The following SATB1 variants were observed in gnomAD, a reference collection of about 807,000 sequenced individuals.
The protein encoded by SATB1 is DNA-binding protein SATB1.
A neutral mutation model predicts 86.9 loss-of-function variants in SATB1; 11 were observed. The ratio of observed to expected loss-of-function variants is 0.13; its 90% CI spans 0.08 to 0.21. The LOEUF (loss-of-function observed/expected upper bound fraction) is 0.21. Among genes scored for constraint, SATB1 ranks in the 10% least tolerant of loss-of-function variants. The pLI is 1.00. For synonymous variants in SATB1, 357 were observed against 357.2 expected, an observed-to-expected ratio of 1.00 and a Z score of 0.01; for missense variants, 551 against 937.6, an observed-to-expected ratio of 0.59 and a Z score of 5.39.
At chr3:18,365,077 T>C (rs766987018) in intron 9 of SATB1, among the ~76,000 whole-genome samples, 7 of 152,190 alleles carry the variant, frequency 4.6e-5, no homozygotes, top group Non-Finnish European at 1.0e-4. Flanking sequence ...CTCATTTATA[T>C]ATTTCAGTTC....
At chr3:18,409,533 T>C (rs1399110411) in intron 5 of SATB1, 1 of 152,068 alleles carries the variant, frequency 6.6e-6, no homozygotes, top group Non-Finnish European at 1.5e-5. Context: ...ACTACCCATA[T>C]AAGACAGGTT....
At chr3:18,410,223 GAATA>G (rs1697762291) in intron 5 of SATB1, among the ~76,000 whole-genome samples, 1 of 152,010 alleles carries the variant, frequency 6.6e-6, no homozygotes, top group African/African-American at 2.4e-5. Flanking sequence ...TCAGCAATGA[GAATA>G]AATACACTTG....
chr3:18,363,279 G>T (rs1219622331), intron 9 of SATB1, among the ~76,000 whole-genome samples: 1 of 152,120 alleles, frequency 6.6e-6, no homozygotes, highest in African/African-American at 2.4e-5. Flanking sequence ...CTGATAAAGT[G>T]TCCAAAACCG....
chr3:18,385,507 C>T (rs1696293623), intron 8 of SATB1, among the ~76,000 whole-genome samples: 1 of 151,876 alleles, frequency 6.6e-6, no homozygotes, highest in Admixed American at 6.6e-5. Context: ...CCTGTAGTCT[C>T]AGCTACTTGG....
At position 18,352,331 on chromosome 3, in the gene SATB1, G is replaced by T; in HGVS notation, c.1576-136C>A. On this transcript the variant is annotated intron_variant, in intron 9 of 10. Coordinates refer to ENST00000338745, the MANE Select transcript of SATB1 (RefSeq NM_002971.6). The surrounding 1 kb of genome is among the most constrained non-coding windows in gnomAD (Gnocchi z 4.1). The stretch of plus-strand genomic sequence containing the variant: ...AACACACCATTCTGCTTTAAAAATT[G>T]TTTTTAACTTGTTAAGAGAGGTTAT... 1.4e-6 allele frequency: 1 copy of T among 714,330 alleles called. No homozygotes were observed. Among genetic ancestry groups the T allele is most frequent in the Non-Finnish European group, 2.3e-6 (1 of 435,026 alleles). 44.2% of individuals were successfully genotyped at this position (714,330 alleles called of 1,614,324 possible). A position where few individuals can be genotyped will look rare whatever the true frequency, so the allele number is the denominator to read the frequency against.
At chr3:18,389,736 T>G (rs563004768) in intron 7 of SATB1, among the ~76,000 whole-genome samples, 1 of 152,142 alleles carries the variant, frequency 6.6e-6, no homozygotes, top group Non-Finnish European at 1.5e-5. Context: ...TCATTGGCGC[T>G]CAATAAATTT....
intron 5 of SATB1, among the ~76,000 whole-genome samples, chr3:18,400,719 CTCA>C (rs1697218128): frequency 6.6e-6 from 1 of 152,162 alleles, no homozygotes; most frequent in Non-Finnish European, 1.5e-5. Flanking sequence ...TTGCCTCCTC[CTCA>C]TCACTGGGCT....
intron 5 of SATB1, among the ~76,000 whole-genome samples, chr3:18,403,530 T>G (rs904675395): frequency 4.6e-5 from 7 of 152,254 alleles, no homozygotes; most frequent in African/African-American, 1.4e-4. Flanking sequence ...TTCTACCTGT[T>G]TATAATACAT....
chr3:18,416,132 C>T lies in SATB1; in HGVS notation c.390G>A (p.Gly130=), dbSNP rs759918974. 3.7e-6 allele frequency: 6 copies of T among 1,601,142 alleles called. No homozygotes were observed. In the East Asian group the frequency reaches 1.1e-4, roughly 30 times the overall value. The change falls in exon 4 of 11, where the codon GGG becomes GGA. Residue 130 remains glycine, a splice_region_variant and synonymous_variant. Transcript: ENST00000338745. ...YSHSSAAQAK[G]LIQVGKWNPV... Reference sequence around the variant, plus strand: ...GATTCCACTTTCCAACCTGGATTAGCCCTATTTCAGATAAAGAGAATATGT... The same window carrying T: ...GATTCCACTTTCCAACCTGGATTAGTCCTATTTCAGATAAAGAGAATATGT...
chr3:18,399,074 C>A (rs1463040483), intron 5 of SATB1, among the ~76,000 whole-genome samples: 1 of 152,158 alleles, frequency 6.6e-6, no homozygotes, highest in African/African-American at 2.4e-5. Flanking sequence ...AATTATTACT[C>A]TTTATCTAGA....
At chr3:18,367,170 A>T (rs139388930) in intron 9 of SATB1, among the ~76,000 whole-genome samples, 51 of 152,336 alleles carry the variant, frequency 3.3e-4, no homozygotes, top group South Asian at 8.3e-4. Context: ...AATGTTTTCC[A>T]TGAATGATGC....
Position 18,369,836 on chromosome 3 carries a change from C to T in SATB1, c.1575+8334G>A, listed in dbSNP as rs140906070. Among the ~76,000 whole-genome samples the T allele has an allele frequency of 4.8e-4, 73 of 152,282 alleles. 1 individual carries two copies. Among genetic ancestry groups the T allele is most frequent in the South Asian group, 2.1e-3 (10 of 4,822 alleles). On this transcript the variant is annotated intron_variant, in intron 9 of 10. Transcript: ENST00000338745. ...GCAGTTAAATTGAAATATTTCACAG[C>T]GTGTGTCAGAAACATGCAGAATGGT...
chr3:18,387,369 GAA>G (rs2125210451), intron 7 of SATB1, among the ~76,000 whole-genome samples: 1 of 152,236 alleles, frequency 6.6e-6, no homozygotes, highest in Admixed American at 6.5e-5. Flanking sequence ...GCATGCCAAG[GAA>G]AAGAGTATCA....
At chr3:18,426,843 T>G (rs1356572502), upstream of SATB1, among the ~76,000 whole-genome samples, 1 of 152,200 alleles carries the variant, frequency 6.6e-6, no homozygotes, top group East Asian at 1.9e-4. This position sits in a 1 kb window ranked among gnomAD's most constrained non-coding sequence, Gnocchi z 4.2. Context: ...GCACACTGTT[T>G]ACATTACAAA....
At chr3:18,407,693 A>G (rs1697615880) in intron 5 of SATB1, among the ~76,000 whole-genome samples, 1 of 152,034 alleles carries the variant, frequency 6.6e-6, no homozygotes, top group South Asian at 2.1e-4. Context: ...CTACGATGCT[A>G]GGAGCTAATT....
chr3:18,408,135 T>C (rs181927874), intron 5 of SATB1, among the ~76,000 whole-genome samples: 1 of 152,026 alleles, frequency 6.6e-6, no homozygotes, highest in Non-Finnish European at 1.5e-5. Flanking sequence ...AGCATTTCTA[T>C]GGGAAAATAT....
chr3:18,374,464 C>T (rs35085795), intron 9 of SATB1, among the ~76,000 whole-genome samples: 30,121 of 152,160 alleles, frequency 0.2, 3,684 homozygotes, highest in Non-Finnish European at 0.26. Context: ...AAAACTGCTG[C>T]TTATTTGAAT....
chr3:18,359,469 G>C (rs1694804501), intron 9 of SATB1, among the ~76,000 whole-genome samples: 1 of 151,926 alleles, frequency 6.6e-6, no homozygotes, highest in African/African-American at 2.4e-5. Flanking sequence ...AATTGAAATA[G>C]AGAATTTCCC....
chr3:18,425,397 T>TGCGGAGCCGAGGAGGAAGGCGGC (rs1698643147), upstream of SATB1: 4 of 116,750 alleles, frequency 3.4e-5, no homozygotes, highest in South Asian at 2.6e-4. Flanking sequence ...AGGAAGGGGG[T>TGCGGAGCCGAGGAGGAAGGCGGC]GCGGAGCCGA....
Sources: allele counts gnomAD v4.1 joint callset (sites outside exome capture counted in the v4.1 genomes callset), GRCh38; gene constraint gnomAD v4.1.1; non-coding constraint Gnocchi (gnomAD v3.1); transcripts MANE v1.5; gene names NCBI Gene and HGNC (gene_info 2026-07-23, HGNC 2026-07-21).